MUCL1: variants seen among roughly 807,000 people sequenced by gnomAD.
The protein encoded by MUCL1 is mucin like 1.
Under a neutral mutation model 9.2 loss-of-function variants are expected in MUCL1, and 11 were observed. The ratio of observed to expected loss-of-function variants is 1.19; its 90% CI spans 0.75 to 1.97. The LOEUF is 1.97. MUCL1 is among the 30% of genes most tolerant of loss of function. The pLI, the probability that MUCL1 is intolerant of heterozygous loss-of-function variation, is 0.00. For synonymous variants in MUCL1, 48 were observed against 40.5 expected, an observed-to-expected ratio of 1.19 and a Z score of -0.71; for missense variants, 144 against 110.9, an observed-to-expected ratio of 1.30 and a Z score of -1.34.
At chr12:54,854,754 T>C (rs1868286877) in intron 1 of MUCL1, 114 bp downstream of exon 1, 12 of 865,244 alleles carry the variant, frequency 1.4e-5, no homozygotes, top group Middle Eastern at 2.9e-4. Flanking sequence ...TCTCCTAACT[T>C]GTTCTATCAC....
chr12:54,836,422 T>C (rs1959193156), upstream of MUCL1, among the ~76,000 whole-genome samples: 1 of 152,204 alleles, frequency 6.6e-6, no homozygotes, highest in South Asian at 2.1e-4. Context: ...TGTATTTCTG[T>C]GTTATTGGTT....
chr12:54,831,492 T>G (rs1959185285), intron 1 of MUCL1, among the ~76,000 whole-genome samples: 1 of 152,034 alleles, frequency 6.6e-6, no homozygotes, highest in South Asian at 2.1e-4. Flanking sequence ...TCATATAAGG[T>G]TAAAATAGTT....
upstream of MUCL1, among the ~76,000 whole-genome samples, chr12:54,836,795 A>C (rs1959193562): frequency 6.6e-6 from 1 of 152,136 alleles, no homozygotes; most frequent in Non-Finnish European, 1.5e-5. Context: ...ATTATCATTC[A>C]TTTTGAAGAA....
intron 3 of MUCL1, 117 bp from the exon 4 acceptor site, chr12:54,858,076 G>T: frequency 2.4e-6 from 3 of 1,237,648 alleles, no homozygotes; most frequent in Non-Finnish European, 2.4e-6. Flanking sequence ...TGTTCCTTTC[G>T]AATCCCCTGA....
chr12:54,840,101 C>T (rs1397941537), intron 1 of MUCL1, among the ~76,000 whole-genome samples: 1 of 152,140 alleles, frequency 6.6e-6, no homozygotes, highest in Non-Finnish European at 1.5e-5. Context: ...GCTCTTGCTG[C>T]CCAGTGGGGT....
intron 2 of MUCL1, chr12:54,855,424 C>A (rs1178191508): frequency 1.2e-5 from 5 of 427,166 alleles, no homozygotes; most frequent in Non-Finnish European, 2.2e-5. Flanking sequence ...GCATAAGGCA[C>A]AAGAGCATGA....
At chr12:54,853,543 A>G (rs1868271764), upstream of MUCL1, among the ~76,000 whole-genome samples, 1 of 152,122 alleles carries the variant, frequency 6.6e-6, no homozygotes, top group South Asian at 2.1e-4. Context: ...CACGTTGTTG[A>G]TTCCTCAGCT....
intron 1 of MUCL1, among the ~76,000 whole-genome samples, chr12:54,833,397 A>G (rs1267984153): frequency 6.6e-6 from 1 of 152,152 alleles, no homozygotes; most frequent in Non-Finnish European, 1.5e-5. Flanking sequence ...CTTTACAGTT[A>G]TATACACCTT....
chr12:54,848,756 G>A (rs1959293303), intron 1 of MUCL1, among the ~76,000 whole-genome samples: 1 of 152,116 alleles, frequency 6.6e-6, no homozygotes, highest in African/African-American at 2.4e-5. Context: ...AAATTCAACT[G>A]AGATAACCTT....
In MUCL1 at chr12:54,854,760, A is replaced by G. The variant is rs190715106; in HGVS notation, c.58+120A>G. ...TTTTTTACCTCTCCTAACTTGTTCT[A>G]TCACCATTTTGACTGACCGTTCAAG... is the stretch of plus-strand genomic sequence containing the variant. On this transcript the variant is annotated intron_variant, in intron 1 of 3. Transcript: ENST00000308796. The G allele has an allele frequency of 1.2e-5, 10 of 838,648 alleles. No homozygotes were observed. In the African/African-American group the frequency reaches 1.5e-4, roughly 13 times the overall value. The allele number at this position is 838,648 out of a possible 1,614,324, so 52.0% of individuals were successfully genotyped here.
upstream of MUCL1, among the ~76,000 whole-genome samples, chr12:54,853,346 C>A (rs964324091): frequency 9.2e-5 from 14 of 152,106 alleles, no homozygotes; most frequent in African/African-American, 3.4e-4. Context: ...TGTTTTCCTC[C>A]CTTGCTGTCT....
chr12:54,835,348 G>T (rs1959191236), upstream of MUCL1, among the ~76,000 whole-genome samples: 1 of 152,074 alleles, frequency 6.6e-6, no homozygotes, highest in Admixed American at 6.6e-5. Context: ...TTCCATAGAG[G>T]TTGTACTAAT....
At chr12:54,841,308 T>A (rs775042361) in intron 1 of MUCL1, among the ~76,000 whole-genome samples, 8 of 152,232 alleles carry the variant, frequency 5.3e-5, no homozygotes, top group Non-Finnish European at 1.2e-4. Flanking sequence ...AATCAACACA[T>A]GAAGGGGCAC....
chr12:54,834,748 A>G (rs1036788091), upstream of MUCL1, among the ~76,000 whole-genome samples: 1 of 151,932 alleles, frequency 6.6e-6, no homozygotes, highest in Non-Finnish European at 1.5e-5. Flanking sequence ...ATAAATATAT[A>G]TATTTTTTAT....
chr12:54,842,097 A>G (rs890585025), intron 1 of MUCL1, among the ~76,000 whole-genome samples: 1 of 152,144 alleles, frequency 6.6e-6, no homozygotes, highest in Non-Finnish European at 1.5e-5. Flanking sequence ...CCTTCAATCT[A>G]TAAATTACTT....
upstream of MUCL1, among the ~76,000 whole-genome samples, chr12:54,838,015 G>T (rs1959196039): frequency 6.6e-6 from 1 of 152,204 alleles, no homozygotes; most frequent in Admixed American, 6.5e-5. Context: ...TTGCATTATT[G>T]TTTTATAGGC....
chr12:54,857,768 A>G (rs1413188819), intron 3 of MUCL1, among the ~76,000 whole-genome samples: 1 of 152,184 alleles, frequency 6.6e-6, no homozygotes, highest in African/African-American at 2.4e-5. Flanking sequence ...TTACACCCAT[A>G]CAATCAAAGT....
chr12:54,846,823 TGGGTA>T (rs1959264226), intron 1 of MUCL1, among the ~76,000 whole-genome samples: 1 of 152,200 alleles, frequency 6.6e-6, no homozygotes, highest in Non-Finnish European at 1.5e-5. Flanking sequence ...CTCACTTGTG[TGGGTA>T]ACTTGTACTT....
upstream of MUCL1, among the ~76,000 whole-genome samples, chr12:54,838,188 A>C (rs76488861): frequency 0.01 from 1,588 of 152,292 alleles, 22 homozygotes; most frequent in Non-Finnish European, 0.018. Flanking sequence ...CATTTATAAA[A>C]CTTAGTTTTG....
Sources: allele counts gnomAD v4.1 joint callset (sites outside exome capture counted in the v4.1 genomes callset), GRCh38; gene constraint gnomAD v4.1.1; transcripts MANE v1.5; gene names NCBI Gene and HGNC (gene_info 2026-07-23, HGNC 2026-07-21).